The following PDE11A variants were observed in gnomAD, a reference collection of about 807,000 sequenced individuals.
The protein encoded by PDE11A is dual 3',5'-cyclic-AMP and -GMP phosphodiesterase 11A.
Under a neutral mutation model 100.5 loss-of-function variants are expected in PDE11A, and 100 were observed. The observed-to-expected ratio is 1.00, with a 90% CI of 0.85 to 1.18. PDE11A has a LOEUF of 1.18. Ranked by LOEUF, PDE11A falls within the 50% of genes most tolerant of loss-of-function variation. The pLI is 0.00. For missense variants in PDE11A, 1,141 were observed against 1,152.6 expected (o/e 0.99, Z 0.15); for synonymous variants, 381 against 420.8 (o/e 0.91, Z 1.16).
chr2:177,779,546 G>A (rs2082423864), intron 9 of PDE11A, among the ~76,000 whole-genome samples: 1 of 152,144 alleles, frequency 6.6e-6, no homozygotes, highest in African/African-American at 2.4e-5. Flanking sequence ...TTTCAATAAT[G>A]TTCACAGCAT....
chr2:177,877,396 C>A (rs556521219), intron 4 of PDE11A, among the ~76,000 whole-genome samples: 1 of 151,944 alleles, frequency 6.6e-6, no homozygotes, highest in Non-Finnish European at 1.5e-5. Flanking sequence ...AATTCCTCAC[C>A]CCAGATGAGG....
At chr2:177,875,834 G>C (rs755718577) in intron 5 of PDE11A, 25 bp downstream of exon 5, 6 of 1,510,000 alleles carry the variant, frequency 4.0e-6, no homozygotes, top group Non-Finnish European at 5.5e-6. Context: ...AACATCAAAA[G>C]ACCCATGAAC....
intron 2 of PDE11A, among the ~76,000 whole-genome samples, chr2:177,943,808 G>C (rs1276179132): frequency 1.3e-5 from 2 of 152,126 alleles, no homozygotes; most frequent in Non-Finnish European, 2.9e-5. Flanking sequence ...GCCAAATTCA[G>C]TGTAACGAAA....
chr2:177,878,509 T>C (rs1324980314), intron 4 of PDE11A, among the ~76,000 whole-genome samples: 4 of 152,156 alleles, frequency 2.6e-5, no homozygotes, highest in Non-Finnish European at 5.9e-5. Flanking sequence ...CAGGCCACTA[T>C]GCTGAAAGGG....
chr2:178,020,616 AC>A lies in PDE11A; in HGVS notation c.913-6157del, dbSNP rs1424944188. Among the ~76,000 whole-genome samples, 10 of 152,090 alleles carry A rather than the reference AC, an allele frequency of 6.6e-5. 1 individual carries two copies. The Middle Eastern group carries it at 0.017, about 259-fold the overall frequency. ...AGACCAGCCTGGTCAACATGGTGAA[AC>A]CCCATCTCTACTAAAAATACAAAAA... On this transcript the variant is annotated intron_variant, in intron 1 of 19. Transcript: ENST00000286063.
At chr2:177,815,823 A>G (rs1282279593) in intron 9 of PDE11A, among the ~76,000 whole-genome samples, 1 of 152,226 alleles carries the variant, frequency 6.6e-6, no homozygotes, top group East Asian at 1.9e-4. Context: ...TGTGTATTAT[A>G]TCATACTCTT....
At chr2:177,744,649 T>C (rs1005507325) in intron 10 of PDE11A, among the ~76,000 whole-genome samples, 1 of 152,212 alleles carries the variant, frequency 6.6e-6, no homozygotes, top group African/African-American at 2.4e-5. Flanking sequence ...ATTTCCAGTA[T>C]CCACTTTCCT....
At chr2:177,865,696 T>C (rs1190449713) in intron 5 of PDE11A, among the ~76,000 whole-genome samples, 1 of 152,220 alleles carries the variant, frequency 6.6e-6, no homozygotes, top group African/African-American at 2.4e-5. Flanking sequence ...ATAAAGTGCA[T>C]GTACACATGA....
chr2:177,693,006 C>T (rs2081062741), intron 15 of PDE11A, among the ~76,000 whole-genome samples: 1 of 152,142 alleles, frequency 6.6e-6, no homozygotes, highest in African/African-American at 2.4e-5. Context: ...CTTTCTCCCT[C>T]TAGGGGAGGA....
At chr2:177,874,931 C>T (rs1039780866) in intron 5 of PDE11A, among the ~76,000 whole-genome samples, 1 of 152,084 alleles carries the variant, frequency 6.6e-6, no homozygotes, top group South Asian at 2.1e-4. Context: ...TATTTCAAAA[C>T]ATTACAAGGT....
chr2:177,842,887 G>A (rs2083514230), intron 5 of PDE11A, among the ~76,000 whole-genome samples: 3 of 152,146 alleles, frequency 2.0e-5, no homozygotes, highest in African/African-American at 7.2e-5. Flanking sequence ...TGAAAGTCCA[G>A]GAACAAAATC....
chr2:177,646,357 T>C (rs559096375), intron 19 of PDE11A, among the ~76,000 whole-genome samples: 1 of 152,350 alleles, frequency 6.6e-6, no homozygotes, highest in South Asian at 2.1e-4. Flanking sequence ...CTTGCTAACA[T>C]GAATTAACTA....
At chr2:177,901,258 C>T (rs79891349) in intron 3 of PDE11A, among the ~76,000 whole-genome samples, 1,727 of 152,056 alleles carry the variant, frequency 0.011, 26 homozygotes, top group East Asian at 0.074. Context: ...CCCCCCCCAT[C>T]CATGAGCTAA....
chr2:178,106,234 A>G (rs1168614243), intron 1 of PDE11A, among the ~76,000 whole-genome samples: 1 of 152,208 alleles, frequency 6.6e-6, no homozygotes, highest in African/African-American at 2.4e-5. Context: ...TATACACAAC[A>G]ACCTGCAAAA....
chr2:177,996,231 TAAAAAAAA>T (rs71010848), intron 2 of PDE11A, among the ~76,000 whole-genome samples: 2 of 147,078 alleles, frequency 1.4e-5, no homozygotes, highest in Admixed American at 1.3e-4. Context: ...CCGTCTCAAA[TAAAAAAAA>T]AAAAAGAAAA....
chr2:178,025,544 C>A (rs1293113864), intron 1 of PDE11A, among the ~76,000 whole-genome samples: 1 of 151,942 alleles, frequency 6.6e-6, no homozygotes, highest in Non-Finnish European at 1.5e-5. Flanking sequence ...CTCTTTATTA[C>A]AATAAATACA....
chr2:177,851,312 C>T (rs1231686328), intron 5 of PDE11A, among the ~76,000 whole-genome samples: 1 of 152,088 alleles, frequency 6.6e-6, no homozygotes, highest in Middle Eastern at 3.4e-3. Context: ...CGCATGTTCT[C>T]GCTCATAGGT....
chr2:177,697,506 A>T (rs2081131576), intron 14 of PDE11A, 74 bp from the exon 15 acceptor site: 3 of 778,538 alleles, frequency 3.9e-6, no homozygotes, highest in Admixed American at 3.6e-5. Flanking sequence ...TCCTCTATTT[A>T]AAAAAAAGTC....
intron 19 of PDE11A, among the ~76,000 whole-genome samples, chr2:177,630,334 T>C (rs1225595960): frequency 6.6e-6 from 1 of 152,198 alleles, no homozygotes; most frequent in East Asian, 1.9e-4. Flanking sequence ...GTCCTCCTGT[T>C]CCCAAATGGT....
Sources: allele counts gnomAD v4.1 joint callset (sites outside exome capture counted in the v4.1 genomes callset), GRCh38; gene constraint gnomAD v4.1.1; transcripts MANE v1.5; gene names NCBI Gene and HGNC (gene_info 2026-07-23, HGNC 2026-07-21).